DCAF1: variants seen among roughly 807,000 people sequenced by gnomAD.
The protein encoded by DCAF1 is DDB1 and CUL4 associated factor 1.
In DCAF1, 15 loss-of-function variants were observed where a neutral mutation model predicts 128.0. The ratio of observed to expected loss-of-function variants is 0.12; its 90% CI spans 0.08 to 0.18. The LOEUF (loss-of-function observed/expected upper bound fraction) is 0.18. DCAF1 is among the 10% of genes least tolerant of loss of function. The pLI, the probability that DCAF1 is intolerant of heterozygous loss-of-function variation, is 1.00. For missense variants in DCAF1, 988 were observed against 1,649.5 expected, an observed-to-expected ratio of 0.60 and a Z score of 6.95; for synonymous variants, 610 against 603.0, an observed-to-expected ratio of 1.01 and a Z score of -0.17.
intron 6 of DCAF1, among the ~76,000 whole-genome samples, chr3:51,460,947 C>T (rs1238729047): frequency 1.3e-5 from 2 of 152,028 alleles, no homozygotes; most frequent in Non-Finnish European, 2.9e-5. Context: ...AGACCTAAAA[C>T]CATAAAAACC....
intron 5 of DCAF1, among the ~76,000 whole-genome samples, 166 bp from the exon 6 acceptor site, chr3:51,463,393 C>T (rs1321854007): frequency 6.6e-6 from 1 of 152,102 alleles, no homozygotes; most frequent in African/African-American, 2.4e-5. Flanking sequence ...TTATTATAAA[C>T]ACTTATGATC....
intron 4 of DCAF1, 45 bp downstream of exon 4, chr3:51,470,884 T>C (rs1704659384): frequency 1.4e-6 from 2 of 1,412,640 alleles, no homozygotes; most frequent in South Asian, 1.4e-5. Flanking sequence ...TAAAAGTGTC[T>C]TAAAAGAAAA....
chr3:51,486,325 T>C (rs1706953752), intron 2 of DCAF1, among the ~76,000 whole-genome samples: 1 of 151,390 alleles, frequency 6.6e-6, no homozygotes, highest in South Asian at 2.1e-4. Flanking sequence ...CCAGAGTAGC[T>C]GAGATTACAG....
At chr3:51,493,244 A>ACGG in intron 2 of DCAF1, among the ~76,000 whole-genome samples, 1 of 151,362 alleles carries the variant, frequency 6.6e-6, no homozygotes, top group African/African-American at 2.4e-5. Context: ...TCGGGAGTTT[A>ACGG]AGACCAGCCT....
chr3:51,496,242 G>A (rs1289913287), intron 2 of DCAF1, among the ~76,000 whole-genome samples: 1 of 152,162 alleles, frequency 6.6e-6, no homozygotes, highest in Non-Finnish European at 1.5e-5. Flanking sequence ...TGGCCAACAT[G>A]GTGAAACCGC....
intron 5 of DCAF1, among the ~76,000 whole-genome samples, chr3:51,463,694 G>C (rs2108073723): frequency 6.6e-6 from 1 of 152,020 alleles, no homozygotes; most frequent in East Asian, 1.9e-4. Context: ...GAGGTGGGAG[G>C]ATGCCCAGAG....
chr3:51,408,388 C>T (rs1553627363), intron 23 of DCAF1, among the ~76,000 whole-genome samples: 3 of 152,148 alleles, frequency 2.0e-5, no homozygotes, highest in African/African-American at 7.2e-5. Flanking sequence ...GCCTGTATCC[C>T]TGAGCCACAT....
intron 10 of DCAF1, 71 bp from the exon 11 acceptor site, chr3:51,430,283 T>C (rs551837882): frequency 1.4e-6 from 1 of 704,628 alleles, no homozygotes; most frequent in Non-Finnish European, 2.6e-6. Flanking sequence ...GGATGGAAAA[T>C]TTGCCAGTAT....
At chr3:51,416,695 A>G (rs1382290922) in intron 18 of DCAF1, 92 bp downstream of exon 18, 2 of 1,520,660 alleles carry the variant, frequency 1.3e-6, no homozygotes, top group African/African-American at 2.8e-5. Flanking sequence ...CTAGTTGCCC[A>G]AAGGACTTAG....
At chr3:51,454,081 T>C (rs1237439913) in intron 6 of DCAF1, among the ~76,000 whole-genome samples, 3 of 152,226 alleles carry the variant, frequency 2.0e-5, no homozygotes, top group Non-Finnish European at 4.4e-5. Flanking sequence ...CTCACTCTCT[T>C]GTCAGGGCTG....
At chr3:51,429,973 G>C in intron 11 of DCAF1, 60 bp downstream of exon 11, 1 of 757,064 alleles carries the variant, frequency 1.3e-6, no homozygotes, top group Non-Finnish European at 2.5e-6. Flanking sequence ...TGCCGTTAAA[G>C]GGCAGCCAAG....
chr3:51,500,282 C>A (rs1708729618), upstream of DCAF1, among the ~76,000 whole-genome samples: 1 of 152,004 alleles, frequency 6.6e-6, no homozygotes, highest in Admixed American at 6.6e-5. Flanking sequence ...TGGATAAATG[C>A]GAACTGCTGA....
chr3:51,474,164 ATCCCAGCACTTT>A, intron 3 of DCAF1, among the ~76,000 whole-genome samples: 1 of 152,074 alleles, frequency 6.6e-6, no homozygotes, highest in East Asian at 2.0e-4. Flanking sequence ...CATGCCTGTA[ATCCCAGCACTTT>A]GGGAGGCTGA....
At chr3:51,423,074 C>CA (rs1178774491) in intron 13 of DCAF1, among the ~76,000 whole-genome samples, 9 of 138,628 alleles carry the variant, frequency 6.5e-5, no homozygotes, top group South Asian at 2.3e-4. Flanking sequence ...TCTCGAAAAA[C>CA]AAAAAAAAAG....
Position 51,398,716 on chromosome 3 carries a change from A to C in DCAF1, c.*53T>G. On this transcript the variant is annotated 3_prime_UTR_variant, in exon 25 of 25. Coordinates refer to ENST00000684031, the MANE Select transcript of DCAF1 (RefSeq NM_001387579.1). Reference sequence around the variant, plus strand: ...AGAGAAGGGAATATGTTCTGAATTCATTTGACTCAGTTTCTCGCCTGCCAA... The same window carrying C: ...AGAGAAGGGAATATGTTCTGAATTCCTTTGACTCAGTTTCTCGCCTGCCAA... 1 of 1,554,914 alleles carries C rather than the reference A, an allele frequency of 6.4e-7. No individual in the cohort carries two copies. The highest frequency in any genetic ancestry group is 2.4e-5 in the East Asian group (1 of 41,916).
intron 6 of DCAF1, among the ~76,000 whole-genome samples, chr3:51,458,483 C>T (rs1489057982): frequency 2.0e-5 from 3 of 152,180 alleles, no homozygotes; most frequent in African/African-American, 4.8e-5. Flanking sequence ...TAACACCCCA[C>T]TGTCAACATC....
chr3:51,483,004 T>C (rs901600154), intron 3 of DCAF1, among the ~76,000 whole-genome samples: 5 of 147,220 alleles, frequency 3.4e-5, no homozygotes, highest in South Asian at 2.2e-4. Flanking sequence ...CTGGGCGTGG[T>C]GACAAACGCC....
At chr3:51,480,125 A>AAT (rs1553652260) in intron 3 of DCAF1, among the ~76,000 whole-genome samples, 158 of 148,226 alleles carry the variant, frequency 1.1e-3, no homozygotes, top group African/African-American at 3.2e-3. Flanking sequence ...AAAAAAAAAA[A>AAT]TTTTTTTTAA....
chr3:51,407,181 A>C (rs552790454), intron 23 of DCAF1, among the ~76,000 whole-genome samples: 1 of 61,240 alleles, frequency 1.6e-5, no homozygotes, highest in South Asian at 3.6e-4. Flanking sequence ...AAAAAAAAAC[A>C]ACAACAAAAC....
Sources: gnomAD v4.1 joint callset for allele counts (sites outside exome capture counted in the v4.1 genomes callset) on GRCh38, gnomAD v4.1.1 for gene constraint, MANE v1.5 for transcripts, NCBI Gene and HGNC (gene_info 2026-07-23, HGNC 2026-07-21) for gene names.